The following ALK variants were observed in gnomAD, a reference collection of about 807,000 sequenced individuals.
ALK encodes ALK receptor tyrosine kinase, also known as ALK tyrosine kinase receptor.
ALK carries 74 observed loss-of-function variants against 163.1 expected under a neutral mutation model. That is an observed-to-expected ratio of 0.45 (90% CI 0.38 to 0.55). The LOEUF (loss-of-function observed/expected upper bound fraction) is 0.55. Among genes scored for constraint, ALK ranks in the 20% least tolerant of loss-of-function variants. ALK has a pLI of 0.00. For synonymous variants in ALK, 960 were observed against 843.2 expected (o/e 1.14, Z -2.40); for missense variants, 2,063 against 2,105.3 (o/e 0.98, Z 0.39).
chr2:29,205,717 T>C (rs1011127872), intron 26 of ALK, among the ~76,000 whole-genome samples: 2 of 152,178 alleles, frequency 1.3e-5, no homozygotes, highest in African/African-American at 4.8e-5. Flanking sequence ...CTTATAAGGA[T>C]ACTTGCGATG....
At chr2:29,619,664 T>C (rs1675971346) in intron 3 of ALK, among the ~76,000 whole-genome samples, 1 of 152,210 alleles carries the variant, frequency 6.6e-6, no homozygotes, top group Non-Finnish European at 1.5e-5. Flanking sequence ...ATGGATCGTA[T>C]GCTGTGTCCC....
intron 3 of ALK, among the ~76,000 whole-genome samples, chr2:29,577,267 T>A (rs1674550821): frequency 6.6e-6 from 1 of 152,110 alleles, no homozygotes; most frequent in Non-Finnish European, 1.5e-5. Context: ...TTTGAGTCAT[T>A]TTACCCTTCT....
rs182865489 is a variant in ALK, at chr2:29,487,624, T to C, written c.1154+44291A>G. Among the ~76,000 whole-genome samples the C allele has an allele frequency of 5.9e-5, 9 of 152,326 alleles. No individual in the cohort carries two copies. In the South Asian group the frequency reaches 8.3e-4, roughly 14 times the overall value. Reference sequence around the variant, plus strand: ...AACTCAGCTGCTTTGAGGCTCAGTTTCCTAATAGAAATATAGGGTTACTGG... The same window carrying C: ...AACTCAGCTGCTTTGAGGCTCAGTTCCCTAATAGAAATATAGGGTTACTGG... On this transcript the variant is annotated intron_variant, in intron 4 of 28. Transcript: ENST00000389048.
intron 4 of ALK, among the ~76,000 whole-genome samples, chr2:29,395,791 A>G (rs1327472875): frequency 6.6e-6 from 1 of 152,212 alleles, no homozygotes; most frequent in Non-Finnish European, 1.5e-5. Context: ...ACAAGAGACC[A>G]AGAAGAATCC....
chr2:29,752,672 A>G (rs1178145859), intron 1 of ALK, among the ~76,000 whole-genome samples: 3 of 151,940 alleles, frequency 2.0e-5, no homozygotes, highest in African/African-American at 7.3e-5. Context: ...TCAACTTACG[A>G]TGGGTTCATC....
chr2:29,426,661 A>G (rs1384456219), intron 4 of ALK, among the ~76,000 whole-genome samples: 1 of 152,148 alleles, frequency 6.6e-6, no homozygotes, highest in African/African-American at 2.4e-5. Context: ...ACACACACCA[A>G]AGAACATCAA....
intron 1 of ALK, among the ~76,000 whole-genome samples, chr2:29,880,036 T>C (rs575973349): frequency 6.6e-6 from 1 of 152,358 alleles, no homozygotes; most frequent in South Asian, 2.1e-4. Context: ...AGAAGCTCCA[T>C]ACTACAGATT....
chr2:29,238,861 AT>A, intron 13 of ALK, among the ~76,000 whole-genome samples: 1 of 152,332 alleles, frequency 6.6e-6, no homozygotes, highest in Non-Finnish European at 1.5e-5. Context: ...TTTCAATTGA[AT>A]TTTTAAAAAA....
intron 8 of ALK, among the ~76,000 whole-genome samples, chr2:29,315,056 T>A (rs1481807028): frequency 6.6e-6 from 1 of 152,126 alleles, no homozygotes; most frequent in African/African-American, 2.4e-5. Context: ...AACATCAGAA[T>A]ATATTGTAAG....
At chr2:29,657,231 A>T (rs1312828031) in intron 3 of ALK, among the ~76,000 whole-genome samples, 2 of 152,148 alleles carry the variant, frequency 1.3e-5, no homozygotes, top group Admixed American at 1.3e-4. Flanking sequence ...TAAAGATAAC[A>T]TTGGAAAAGA....
chr2:29,329,633 G>T (rs1232173870), intron 5 of ALK, among the ~76,000 whole-genome samples: 2 of 152,204 alleles, frequency 1.3e-5, no homozygotes, highest in African/African-American at 2.4e-5. Flanking sequence ...AGCCTCACAT[G>T]GGGGTGGGGC....
At chr2:29,665,580 GT>G (rs1317452607) in intron 3 of ALK, among the ~76,000 whole-genome samples, 1 of 151,966 alleles carries the variant, frequency 6.6e-6, no homozygotes, top group African/African-American at 2.4e-5. Flanking sequence ...TGAGTTCTTG[GT>G]GGGCTCCCAG....
chr2:29,374,230 A>G (rs1399600714), intron 5 of ALK, among the ~76,000 whole-genome samples: 1 of 152,200 alleles, frequency 6.6e-6, no homozygotes, highest in East Asian at 1.9e-4. Context: ...TCTGCACGCA[A>G]CATCTGTTTT....
intron 3 of ALK, among the ~76,000 whole-genome samples, chr2:29,681,581 C>T (rs17008465): frequency 0.018 from 2,681 of 152,240 alleles, 80 homozygotes; most frequent in African/African-American, 0.058. Flanking sequence ...TATACACAAC[C>T]GTAGGATTGG....
intron 19 of ALK, among the ~76,000 whole-genome samples, chr2:29,224,337 T>C (rs1409372010): frequency 6.6e-6 from 1 of 152,280 alleles, no homozygotes; most frequent in East Asian, 1.9e-4. Context: ...TGGACTGCAG[T>C]TTCCCTCTCT....
intron 4 of ALK, among the ~76,000 whole-genome samples, chr2:29,393,913 G>A (rs1361465766): frequency 6.6e-6 from 1 of 152,208 alleles, no homozygotes; most frequent in African/African-American, 2.4e-5. Context: ...GCAACAGAAA[G>A]ATCAGGAAAC....
chr2:29,815,707 G>A (rs1355788008), intron 1 of ALK, among the ~76,000 whole-genome samples: 1 of 152,114 alleles, frequency 6.6e-6, no homozygotes, highest in Non-Finnish European at 1.5e-5. Flanking sequence ...AGGAAACAAG[G>A]ACCAGGAATG....
intron 3 of ALK, among the ~76,000 whole-genome samples, chr2:29,682,375 CT>C (rs1350446991): frequency 1.3e-5 from 2 of 151,984 alleles, no homozygotes; most frequent in African/African-American, 4.8e-5. Context: ...TTTGATGACT[CT>C]TTTTTTTATA....
chr2:29,865,101 G>T (rs1666397927), intron 1 of ALK, among the ~76,000 whole-genome samples: 1 of 152,218 alleles, frequency 6.6e-6, no homozygotes, highest in Non-Finnish European at 1.5e-5. Flanking sequence ...AGAGCTTATG[G>T]TTGGGGTGTT....
Sources: allele counts gnomAD v4.1 joint callset (sites outside exome capture counted in the v4.1 genomes callset), GRCh38; gene constraint gnomAD v4.1.1; transcripts MANE v1.5; gene names NCBI Gene and HGNC (gene_info 2026-07-23, HGNC 2026-07-21).